The following HTR3D variants were observed in gnomAD, a reference collection of about 807,000 sequenced individuals.
The protein encoded by HTR3D is 5-hydroxytryptamine (serotonin) receptor 3 family member D.
Under a neutral mutation model 45.8 loss-of-function variants are expected in HTR3D, and 47 were observed. The observed-to-expected ratio is 1.03, with a 90% confidence interval of 0.81 to 1.31. The LOEUF (loss-of-function observed/expected upper bound fraction) is 1.31. Ranked by LOEUF, HTR3D falls within the 50% of genes most tolerant of loss-of-function variation. HTR3D has a pLI of 0.00. For synonymous variants in HTR3D, 203 were observed against 199.8 expected (o/e 1.02, Z -0.13); for missense variants, 448 against 506.9 (o/e 0.88, Z 1.12).
Position 184,038,510 on chromosome 3 carries a change from C to G in HTR3D, c.871C>G (p.Leu291Val), listed in dbSNP as rs757695911. ...CGTGGCCACCACCCAGCCCCTACCTCTGCCTCGGTGGCTCCACTCCCTGCT... is the reference window on the plus strand; with the variant it reads ...CGTGGCCACCACCCAGCCCCTACCTGTGCCTCGGTGGCTCCACTCCCTGCT... ...LHVATTQPLPLPRWLHSLLLH... is the reference protein window; with the variant it reads ...LHVATTQPLPVPRWLHSLLLH... Residue 291 changes from leucine to valine, a missense_variant, in exon 7 of 8, where the codon CTG becomes GTG. Physicochemically the swap from Leu to Val is conservative, Grantham distance 32. Transcript: ENST00000428798. The surrounding 1 kb of genome is among the most constrained non-coding windows in gnomAD (Gnocchi z 4.5). 6 of 1,614,064 alleles carry G rather than the reference C, an allele frequency of 3.7e-6. No homozygotes were observed. Among genetic ancestry groups the G allele is most frequent in the Middle Eastern group, 1.7e-4 (1 of 5,936 alleles).
chr3:184,031,745 G>GA lies in HTR3D; in HGVS notation c.7dup (p.Arg3LysfsTer40). 1 of 1,550,960 alleles carries GA rather than the reference G, an allele frequency of 6.4e-7. No homozygotes were observed. The highest frequency in any genetic ancestry group is 8.7e-7 in the Non-Finnish European group (1 of 1,146,424). ...GAGAAGTGCCAAAGAGAGGAAGATG[G>GA]AAAGAGGCTGGTTCCATGGGAAAGG... On this transcript the variant is annotated frameshift_variant, in exon 1 of 8. Transcript: ENST00000428798. LOFTEE classifies it high-confidence loss of function.
At chr3:184,034,798 A>G (rs1239765038) in intron 1 of HTR3D, among the ~76,000 whole-genome samples, 3 of 150,840 alleles carry the variant, frequency 2.0e-5, no homozygotes, top group Non-Finnish European at 2.9e-5. Context: ...ACTGCACTCC[A>G]GCCTGGGCGA....
chr3:184,034,003 C>T (rs1722817717), intron 1 of HTR3D, among the ~76,000 whole-genome samples: 1 of 152,138 alleles, frequency 6.6e-6, no homozygotes, highest in South Asian at 2.1e-4. Flanking sequence ...TTGTGCACTG[C>T]TTGTGAGGAT....
At chr3:184,033,070 C>T (rs1722794304) in intron 1 of HTR3D, 1 of 1,540,646 alleles carries the variant, frequency 6.5e-7, no homozygotes, top group Non-Finnish European at 8.8e-7. Context: ...TGTAAGTCCT[C>T]ACCCAACATT....
chr3:184,031,705 A>T, upstream of HTR3D: 1 of 1,461,860 alleles, frequency 6.8e-7, no homozygotes, highest in East Asian at 2.5e-5. Context: ...GGTTAACATC[A>T]TCATCAAGTA....
At chr3:184,037,036 T>TC in intron 5 of HTR3D, 140 bp downstream of exon 5, 1 of 664,832 alleles carries the variant, frequency 1.5e-6, no homozygotes, top group Non-Finnish European at 2.3e-6. Context: ...CCTTTGTCAC[T>TC]CTTTTTTTTT....
chr3:184,034,566 AGAG>A (rs1722830358), intron 1 of HTR3D, among the ~76,000 whole-genome samples: 1 of 152,222 alleles, frequency 6.6e-6, no homozygotes, highest in African/African-American at 2.4e-5. Flanking sequence ...AATGGTTAAG[AGAG>A]TACATTTTAT....
upstream of HTR3D, chr3:184,031,631 A>G (rs537531644): frequency 1.9e-3 from 1,305 of 692,768 alleles, 8 homozygotes; most frequent in Non-Finnish European, 2.3e-3. Flanking sequence ...AGAGGCGGTT[A>G]ATGCCAGCTG....
At chr3:184,036,660 G>A (rs991713959) in intron 4 of HTR3D, 88 bp from the exon 5 acceptor site, 3 of 1,571,816 alleles carry the variant, frequency 1.9e-6, no homozygotes, top group East Asian at 2.3e-5. Flanking sequence ...AAGCTAAGCA[G>A]TGAGGGATCC....
chr3:184,034,660 A>AAAT (rs1722833616), intron 1 of HTR3D, among the ~76,000 whole-genome samples: 1 of 147,718 alleles, frequency 6.8e-6, no homozygotes, highest in African/African-American at 2.5e-5. Flanking sequence ...TCTCTACCAA[A>AAAT]AATACAAAAA....
chr3:184,031,908 G>T, intron 1 of HTR3D, 101 bp downstream of exon 1: 2 of 775,966 alleles, frequency 2.6e-6, no homozygotes, highest in Non-Finnish European at 4.4e-6. Context: ...ATGATTGGAT[G>T]TTCGTTATGG....
At chr3:184,036,920 G>T in intron 5 of HTR3D, 24 bp downstream of exon 5, 6 of 1,548,008 alleles carry the variant, frequency 3.9e-6, no homozygotes, top group Non-Finnish European at 4.4e-6. Flanking sequence ...CCAAGACAAG[G>T]TTTCACCATG....
In HTR3D at chr3:184,038,977, C is replaced by A. The variant is rs137965339; in HGVS notation, c.*2C>A. On this transcript the variant is annotated 3_prime_UTR_variant, in exon 8 of 8. Coordinates refer to ENST00000428798, the MANE Select transcript of HTR3D (RefSeq NM_001145143.1). This position sits in a 1 kb window ranked among gnomAD's most constrained non-coding sequence, Gnocchi z 4.5. Reference sequence around the variant, plus strand: ...GTCATATGCCTCTGGAACACCTAGGCAGGTGCTCACCTGCAAACTTCAGTC... The same window carrying A: ...GTCATATGCCTCTGGAACACCTAGGAAGGTGCTCACCTGCAAACTTCAGTC... 6.2e-6 allele frequency: 10 copies of A among 1,613,926 alleles called. No homozygotes were observed. The highest frequency in any genetic ancestry group is 8.5e-6 in the Non-Finnish European group (10 of 1,179,868).
At position 184,035,170 on chromosome 3, in the gene HTR3D, T is replaced by C; in HGVS notation, c.67-8T>C. On this transcript the variant is annotated splice_region_variant and splice_polypyrimidine_tract_variant and intron_variant, in intron 1 of 7. Transcript: ENST00000428798. ...AGTTAATCATCTAGATGAAAGCTGC[T>C]ATTCCAGGATTCACACCTTCAACTG... The C allele has an allele frequency of 6.4e-7, 1 of 1,552,032 alleles. No homozygotes were observed. The highest frequency in any genetic ancestry group is 8.7e-7 in the Non-Finnish European group (1 of 1,147,010).
At chr3:184,037,239 C>T (rs1373097535) in intron 5 of HTR3D, among the ~76,000 whole-genome samples, 1 of 151,638 alleles carries the variant, frequency 6.6e-6, no homozygotes, top group Non-Finnish European at 1.5e-5. Flanking sequence ...GGGGTTTCAC[C>T]ACGTTCACCA....
chr3:184,038,082 G>T lies in HTR3D; in HGVS notation c.578G>T (p.Gly193Val), dbSNP rs750032330. The change falls in exon 6 of 8, where the codon GGC (glycine) becomes GTC (valine). Residue 193 changes from glycine to valine, a missense_variant. Transcript: ENST00000428798. The surrounding 1 kb of genome is among the most constrained non-coding windows in gnomAD (Gnocchi z 4.5). ...PYVVNFLVPS[G>V]ILIAIDALSF... Reference sequence around the variant, plus strand: ...GTGGTAAACTTTCTGGTGCCCAGTGGCATTCTGATTGCCATCGATGCCCTC... The same window carrying T: ...GTGGTAAACTTTCTGGTGCCCAGTGTCATTCTGATTGCCATCGATGCCCTC... 1 of 1,614,138 alleles carries T rather than the reference G, an allele frequency of 6.2e-7. No individual in the cohort carries two copies. The highest frequency in any genetic ancestry group is 1.7e-5 in the Admixed American group (1 of 60,018).
At chr3:184,034,759 C>T (rs1330779091) in intron 1 of HTR3D, among the ~76,000 whole-genome samples, 1 of 145,528 alleles carries the variant, frequency 6.9e-6, no homozygotes, top group Non-Finnish European at 1.5e-5. Context: ...ACCTGGGAGG[C>T]AGAGGTTGCA....
Position 184,038,422 on chromosome 3 carries a change from C to T in HTR3D, c.783C>T (p.Ala261=). 1 of 1,614,132 alleles carries T rather than the reference C, an allele frequency of 6.2e-7. No homozygotes were observed. Among genetic ancestry groups the T allele is most frequent in the Non-Finnish European group, 8.5e-7 (1 of 1,180,018 alleles). The change falls in exon 7 of 8, where the codon GCC becomes GCT. Residue 261 remains alanine, a synonymous_variant. Coordinates refer to ENST00000428798, the MANE Select transcript of HTR3D (RefSeq NM_001145143.1). This position sits in a 1 kb window ranked among gnomAD's most constrained non-coding sequence, Gnocchi z 4.5. ...CCTTGCCTGCAGGTGTCTACTTCGC[C>T]CTGTGCCTGTCCCTGATGGTGGGCA... is the stretch of plus-strand genomic sequence containing the variant. ...SRDQKRGVYF[A]LCLSLMVGSL... is the part of the protein sequence containing the mutation.
At chr3:184,036,678 T>C in intron 4 of HTR3D, 70 bp from the exon 5 acceptor site, 1 of 1,561,202 alleles carries the variant, frequency 6.4e-7, no homozygotes, top group African/African-American at 1.4e-5. Flanking sequence ...TCCAACAGTC[T>C]GGGCAAGGGA....
Sources: gnomAD v4.1 joint callset for allele counts (sites outside exome capture counted in the v4.1 genomes callset) on GRCh38, gnomAD v4.1.1 for gene constraint, Gnocchi (gnomAD v3.1) non-coding constraint, MANE v1.5 for transcripts, NCBI Gene and HGNC (gene_info 2026-07-23, HGNC 2026-07-21) for gene names.